RPAP2: variants seen among roughly 807,000 people sequenced by gnomAD.
RPAP2 encodes the protein putative RNA polymerase II subunit B1 CTD phosphatase RPAP2.
RPAP2 carries 52 observed loss-of-function variants against 73.1 expected under a neutral mutation model. The ratio of observed to expected loss-of-function variants is 0.71; its 90% CI spans 0.57 to 0.90. RPAP2 has a LOEUF of 0.90. RPAP2 is among the 40% of genes least tolerant of loss of function. The probability of loss-of-function intolerance (pLI) is 0.00; values close to 1 mark genes in which losing one functional copy is unlikely to be tolerated. For missense variants in RPAP2, 598 were observed against 701.8 expected (o/e 0.85, Z 1.67); for synonymous variants, 225 against 242.1 (o/e 0.93, Z 0.65).
At chr1:92,352,987 T>C (rs1362223461) in intron 11 of RPAP2, among the ~76,000 whole-genome samples, 4 of 152,218 alleles carry the variant, frequency 2.6e-5, no homozygotes, top group Non-Finnish European at 4.4e-5. Context: ...ACGTAACATG[T>C]TTTCAAGATT....
At chr1:92,351,918 G>C (rs921496261) in intron 11 of RPAP2, among the ~76,000 whole-genome samples, 6 of 152,102 alleles carry the variant, frequency 3.9e-5, no homozygotes, top group African/African-American at 1.4e-4. Flanking sequence ...TGTATCATAG[G>C]AGTCAAATGT....
rs1656070115 is a variant in RPAP2 at position 92,392,216 on chromosome 1, A to C, written c.*5205A>C. On this transcript the variant is annotated 3_prime_UTR_variant, in exon 13 of 13. Transcript: ENST00000610020. The stretch of plus-strand genomic sequence containing the variant: ...AAGTCAGCTTCTTCCCTGGGATGCA[A>C]GGCTGGTTCAACATATGCAAATCAA... 1 of 152,222 alleles carries C rather than the reference A, an allele frequency of 6.6e-6. No individual in the cohort carries two copies. The highest frequency in any genetic ancestry group is 2.1e-4 in the South Asian group (1 of 4,832). 9.4% of individuals were successfully genotyped at this position (152,222 alleles called of 1,614,324 possible).
At chr1:92,314,949 G>A (rs113826157) in intron 6 of RPAP2, among the ~76,000 whole-genome samples, 7,299 of 151,940 alleles carry the variant, frequency 0.048, 600 homozygotes, top group African/African-American at 0.17. Context: ...GGAGGCTGAG[G>A]TGCGAGAATC....
chr1:92,363,153 A>G (rs1654799887), intron 11 of RPAP2, among the ~76,000 whole-genome samples: 1 of 152,200 alleles, frequency 6.6e-6, no homozygotes, highest in Non-Finnish European at 1.5e-5. Flanking sequence ...TAAGATAAGG[A>G]AGTGGAGTCA....
intron 11 of RPAP2, among the ~76,000 whole-genome samples, chr1:92,368,964 A>T (rs1238904332): frequency 6.6e-6 from 1 of 152,196 alleles, no homozygotes; most frequent in Non-Finnish European, 1.5e-5. Context: ...TTTCATGAGC[A>T]GTTTCCTCAT....
chr1:92,390,612 C>G lies in RPAP2; in HGVS notation c.*3601C>G, dbSNP rs550969720. ...GACACAGACTGGCAAATTGAATAAA[C>G]AGTCAAGACCCATCAGTGAGCTATA... is the stretch of plus-strand genomic sequence containing the variant. On this transcript the variant is annotated 3_prime_UTR_variant, in exon 13 of 13. Transcript: ENST00000610020. The G allele has an allele frequency of 2.6e-5, 4 of 152,176 alleles. No homozygotes were observed. The highest frequency in any genetic ancestry group is 9.6e-5 in the African/African-American group (4 of 41,522). 9.4% of individuals were successfully genotyped at this position (152,176 alleles called of 1,614,324 possible).
chr1:92,336,336 T>A lies in RPAP2; in HGVS notation c.1539-11T>A, dbSNP rs541972574. On this transcript the variant is annotated splice_polypyrimidine_tract_variant and intron_variant, in intron 9 of 12. Transcript: ENST00000610020. ...TTTGTTTTAAAATAAATGTAATTTT[T>A]AAATTTTCAGGTTGCCTGGGCTTCT... The A allele has an allele frequency of 7.5e-6, 12 of 1,592,808 alleles. 1 individual carries two copies. The South Asian group carries it at 1.0e-4, about 14-fold the overall frequency.
rs765093281 is a variant in RPAP2 at position 92,323,905 on chromosome 1, A to T, written c.985A>T (p.Ile329Leu). The T allele has an allele frequency of 3.1e-6, 5 of 1,614,182 alleles. No homozygotes were observed. Among genetic ancestry groups the T allele is most frequent in the Non-Finnish European group, 4.2e-6 (5 of 1,180,000 alleles). Reference protein sequence around the residue: ...YSRSEITLVGISKKSAEHFKR... With the variant: ...YSRSEITLVGLSKKSAEHFKR... ...TAGGTCAGAAATAACTCTAGTAGGCATAAGTAAGAAAAGTGCAGAGCATTT... is the reference window on the plus strand; with the variant it reads ...TAGGTCAGAAATAACTCTAGTAGGCTTAAGTAAGAAAAGTGCAGAGCATTT... The change falls in exon 8 of 13, where the codon ATA becomes TTA. Residue 329 changes from isoleucine (I) to leucine (L), a missense_variant. Coordinates refer to ENST00000610020, the MANE Select transcript of RPAP2 (RefSeq NM_024813.3).
intron 12 of RPAP2, among the ~76,000 whole-genome samples, chr1:92,381,456 A>G (rs1462485168): frequency 6.6e-6 from 1 of 152,148 alleles, no homozygotes; most frequent in Non-Finnish European, 1.5e-5. Flanking sequence ...TGCCTTAATT[A>G]TAACTTTCCA....
chr1:92,354,309 A>G (rs1479933734), intron 11 of RPAP2, among the ~76,000 whole-genome samples: 1 of 152,176 alleles, frequency 6.6e-6, no homozygotes, highest in African/African-American at 2.4e-5. Flanking sequence ...TTACATTTCA[A>G]TCTTAGAGTA....
At chr1:92,301,303 G>C (rs939965389) in intron 2 of RPAP2, among the ~76,000 whole-genome samples, 173 bp from the exon 3 acceptor site, 3 of 152,186 alleles carry the variant, frequency 2.0e-5, no homozygotes, top group African/African-American at 7.2e-5. Flanking sequence ...GAGCAACATA[G>C]TGAGACCTTG....
In RPAP2 at chr1:92,399,012, T is replaced by C. The variant is rs1006563620; in HGVS notation, c.*12001T>C. The C allele has an allele frequency of 6.6e-6, 1 of 152,226 alleles. No individual in the cohort carries two copies. The highest frequency in any genetic ancestry group is 1.5e-5 in the Non-Finnish European group (1 of 68,050). 9.4% of individuals were successfully genotyped at this position (152,226 alleles called of 1,614,324 possible). ...CCTGTCCTTCCCTCAGCAAAAATAC[T>C]GTGTTTTGGAAAACATTACCAATAA... is the stretch of plus-strand genomic sequence containing the variant. On this transcript the variant is annotated 3_prime_UTR_variant, in exon 13 of 13. Coordinates refer to ENST00000610020, the MANE Select transcript of RPAP2 (RefSeq NM_024813.3).
intron 5 of RPAP2, among the ~76,000 whole-genome samples, chr1:92,306,851 A>T (rs1205605077): frequency 6.6e-6 from 1 of 152,216 alleles, no homozygotes; most frequent in African/African-American, 2.4e-5. Context: ...AATGTATAAC[A>T]ATATTATTCC....
intron 5 of RPAP2, among the ~76,000 whole-genome samples, chr1:92,305,305 C>G (rs1026325662): frequency 6.6e-6 from 1 of 151,098 alleles, no homozygotes; most frequent in Non-Finnish European, 1.5e-5. Context: ...TGATGGCGGG[C>G]GCCTGTAGTC....
At chr1:92,383,168 G>A (rs2101453782) in intron 12 of RPAP2, among the ~76,000 whole-genome samples, 1 of 152,208 alleles carries the variant, frequency 6.6e-6, no homozygotes, top group East Asian at 1.9e-4. Flanking sequence ...TTTGGTTACT[G>A]TAGCCTTGTA....
chr1:92,307,465 A>G (rs916739834), intron 6 of RPAP2, among the ~76,000 whole-genome samples, 189 bp downstream of exon 6: 2 of 152,228 alleles, frequency 1.3e-5, no homozygotes, highest in Non-Finnish European at 2.9e-5. Context: ...AAATGCATAC[A>G]TACAAATGTT....
intron 5 of RPAP2, among the ~76,000 whole-genome samples, 187 bp from the exon 6 acceptor site, chr1:92,307,001 G>T (rs529544794): frequency 6.6e-6 from 1 of 152,092 alleles, no homozygotes; most frequent in East Asian, 1.9e-4. Flanking sequence ...AATGCGGAGG[G>T]TGATGCAGTT....
chr1:92,345,371 C>T (rs541097905), intron 10 of RPAP2, among the ~76,000 whole-genome samples: 2 of 120,276 alleles, frequency 1.7e-5, no homozygotes, highest in Admixed American at 1.8e-4. Context: ...AGCAAGACCC[C>T]GTTTCTTTAA....
rs1427797834 is a variant in RPAP2 at position 92,393,472 on chromosome 1, T to C, written c.*6461T>C. ...AAAGCAATGGCAACAAAAGCCAAAA[T>C]TGACAAATGGGTTCTAATTAAAGAG... On this transcript the variant is annotated 3_prime_UTR_variant, in exon 13 of 13. Transcript: ENST00000610020. 6.6e-6 allele frequency: 1 copy of C among 152,176 alleles called. No individual in the cohort carries two copies. Among genetic ancestry groups the C allele is most frequent in the African/African-American group, 2.4e-5 (1 of 41,418 alleles). The allele number at this position is 152,176 out of a possible 1,614,324, so 9.4% of individuals were successfully genotyped here. A position where few individuals can be genotyped will look rare whatever the true frequency, so the allele number is the denominator to read the frequency against.
Sources: allele counts gnomAD v4.1 joint callset (sites outside exome capture counted in the v4.1 genomes callset), GRCh38; gene constraint gnomAD v4.1.1; transcripts MANE v1.5; gene names NCBI Gene and HGNC (gene_info 2026-07-23, HGNC 2026-07-21).